The following CSMD1 variants were observed in gnomAD, a reference collection of about 807,000 sequenced individuals.
CSMD1 encodes CUB and Sushi multiple domains 1.
A neutral mutation model predicts 417.5 loss-of-function variants in CSMD1; 213 were observed. The observed-to-expected ratio is 0.51, with a 90% CI of 0.46 to 0.57. CSMD1 has a LOEUF of 0.57. Ranked by LOEUF, CSMD1 falls within the 20% of genes least tolerant of loss-of-function variation. CSMD1 has a pLI of 0.00. For missense variants in CSMD1, 6,923 were observed against 4,529.7 expected (o/e 1.53, Z -15.17); for synonymous variants, 2,862 against 1,736.8 (o/e 1.65, Z -16.11).
intron 3 of CSMD1, among the ~76,000 whole-genome samples, chr8:4,270,133 G>C (rs1804492206): frequency 6.6e-6 from 1 of 152,182 alleles, no homozygotes; most frequent in South Asian, 2.1e-4. Context: ...GGTTGTGATA[G>C]GGAGGCTGGA....
intron 38 of CSMD1, among the ~76,000 whole-genome samples, chr8:3,161,228 T>C (rs984505198): frequency 2.6e-5 from 4 of 152,162 alleles, no homozygotes; most frequent in African/African-American, 7.2e-5. Flanking sequence ...GGCTTACTCA[T>C]GGTTAAACTA....
intron 10 of CSMD1, among the ~76,000 whole-genome samples, chr8:3,540,694 AC>A (rs1166871480): frequency 6.6e-6 from 1 of 152,196 alleles, no homozygotes; most frequent in Non-Finnish European, 1.5e-5. Flanking sequence ...AAGAAAAAAA[AC>A]AAACAATCCC....
At chr8:3,287,288 C>CT (rs1277837020) in intron 25 of CSMD1, among the ~76,000 whole-genome samples, 5 of 151,886 alleles carry the variant, frequency 3.3e-5, no homozygotes, top group Admixed American at 3.3e-4. Flanking sequence ...GATTCGGGCT[C>CT]TTTTTTGGTT....
chr8:3,658,097 G>GATATGTTGAATA (rs1798221621), intron 7 of CSMD1, among the ~76,000 whole-genome samples: 1 of 151,902 alleles, frequency 6.6e-6, no homozygotes, highest in East Asian at 1.9e-4. Context: ...CACAATGCTA[G>GATATGTTGAATA]CAACATTATT....
At chr8:4,587,328 C>G (rs1799752313) in intron 2 of CSMD1, among the ~76,000 whole-genome samples, 1 of 152,038 alleles carries the variant, frequency 6.6e-6, no homozygotes, top group Non-Finnish European at 1.5e-5. Context: ...AATAATTACA[C>G]AACTGTAAAA....
intron 3 of CSMD1, among the ~76,000 whole-genome samples, chr8:4,368,377 G>C (rs1479927817): frequency 1.3e-5 from 2 of 152,188 alleles, no homozygotes; most frequent in East Asian, 1.9e-4. Context: ...TCTGCTGCTG[G>C]ATTCAGTTTG....
chr8:3,263,435 C>A (rs1404210412), intron 26 of CSMD1, among the ~76,000 whole-genome samples: 1 of 152,076 alleles, frequency 6.6e-6, no homozygotes, highest in Admixed American at 6.5e-5. Context: ...TTCTAATTCC[C>A]CTATGTATAT....
chr8:4,159,081 A>G (rs1269315780), intron 3 of CSMD1, among the ~76,000 whole-genome samples: 2 of 151,870 alleles, frequency 1.3e-5, no homozygotes, highest in Non-Finnish European at 2.9e-5. Context: ...AGGCCCAGCT[A>G]ATTTTTGTAT....
At chr8:4,217,004 T>G (rs1025022972) in intron 3 of CSMD1, among the ~76,000 whole-genome samples, 1 of 152,182 alleles carries the variant, frequency 6.6e-6, no homozygotes, top group Admixed American at 6.5e-5. Flanking sequence ...CTAACTAGAA[T>G]TGTCTTGTGT....
At chr8:4,535,794 AT>A (rs1797074654) in intron 2 of CSMD1, among the ~76,000 whole-genome samples, 1 of 152,198 alleles carries the variant, frequency 6.6e-6, no homozygotes, top group African/African-American at 2.4e-5. Context: ...CAGTGGAGCT[AT>A]AAAAATATTT....
intron 3 of CSMD1, among the ~76,000 whole-genome samples, chr8:4,281,296 A>T (rs17413233): frequency 0.11 from 16,938 of 152,272 alleles, 1,182 homozygotes; most frequent in Non-Finnish European, 0.16. Context: ...AGGTAGAGAT[A>T]TGAAAACCTG....
chr8:4,013,591 C>G (rs1027018090), intron 4 of CSMD1, among the ~76,000 whole-genome samples: 1 of 152,184 alleles, frequency 6.6e-6, no homozygotes, highest in Non-Finnish European at 1.5e-5. Flanking sequence ...TTCAACAGGA[C>G]AGCAAAGTTT....
At chr8:3,180,546 C>G (rs974667906) in intron 37 of CSMD1, among the ~76,000 whole-genome samples, 4 of 152,112 alleles carry the variant, frequency 2.6e-5, no homozygotes, top group Non-Finnish European at 5.9e-5. Flanking sequence ...ATACAAACAA[C>G]CTGAAATTAT....
At chr8:4,990,576 G>T (rs867562401) in intron 1 of CSMD1, among the ~76,000 whole-genome samples, 3 of 152,132 alleles carry the variant, frequency 2.0e-5, no homozygotes, top group Non-Finnish European at 4.4e-5. Flanking sequence ...TGTTGGTCAA[G>T]CTGGTCTCCT....
intron 5 of CSMD1, among the ~76,000 whole-genome samples, chr8:3,840,945 G>C (rs528538867): frequency 6.6e-6 from 1 of 152,074 alleles, no homozygotes; most frequent in East Asian, 1.9e-4. Flanking sequence ...GAACTCAGGT[G>C]ATCCTCCTGC....
chr8:4,014,872 C>T (rs1039476797), intron 4 of CSMD1, among the ~76,000 whole-genome samples: 1 of 152,124 alleles, frequency 6.6e-6, no homozygotes, highest in African/African-American at 2.4e-5. Context: ...TACAAAGTAA[C>T]CCACAAAGCT....
chr8:4,277,291 A>C (rs1351562017), intron 3 of CSMD1, among the ~76,000 whole-genome samples: 1 of 152,086 alleles, frequency 6.6e-6, no homozygotes, highest in Non-Finnish European at 1.5e-5. Context: ...TGAATAAATA[A>C]GCTTAAAAAT....
chr8:3,751,140 C>T (rs569230967), intron 6 of CSMD1, among the ~76,000 whole-genome samples: 7 of 152,096 alleles, frequency 4.6e-5, no homozygotes, highest in African/African-American at 7.2e-5. Flanking sequence ...TTCCTTGTAC[C>T]GTGTTGTCTT....
intron 1 of CSMD1, among the ~76,000 whole-genome samples, chr8:4,812,605 A>AT (rs1798972311): frequency 7.1e-6 from 1 of 140,890 alleles, no homozygotes; most frequent in Admixed American, 8.0e-5. Context: ...AGCTTTTTTT[A>AT]AAAAAACCTA....
Sources: allele counts gnomAD v4.1 joint callset (sites outside exome capture counted in the v4.1 genomes callset), GRCh38; gene constraint gnomAD v4.1.1; transcripts MANE v1.5; gene names NCBI Gene and HGNC (gene_info 2026-07-23, HGNC 2026-07-21).